TMEM232: variants seen among roughly 807,000 people sequenced by gnomAD.
TMEM232 encodes the protein transmembrane protein 232.
A neutral mutation model predicts 78.8 loss-of-function variants in TMEM232; 80 were observed. The observed-to-expected ratio is 1.01, with a 90% CI of 0.85 to 1.22. The LOEUF (loss-of-function observed/expected upper bound fraction) is 1.22. TMEM232 is among the 50% of genes most tolerant of loss of function. The pLI, the probability that TMEM232 is intolerant of heterozygous loss-of-function variation, is 0.00. For missense variants in TMEM232, 881 were observed against 742.2 expected (o/e 1.19, Z -2.17); for synonymous variants, 297 against 254.3 (o/e 1.17, Z -1.60).
rs140358808 is a variant in TMEM232, at chr5:110,732,320, T to A, written c.-13+2583A>T. Among the ~76,000 whole-genome samples, 443 of 152,330 alleles carry A rather than the reference T, an allele frequency of 2.9e-3. 3 individuals are homozygous for A. The highest frequency in any genetic ancestry group is 0.01 in the African/African-American group (428 of 41,582). ...TTCTGCCTATTACCCAGTTCCAAAG[T>A]CGCTTCCACATTTTTGGTTATCTTT... On this transcript the variant is annotated intron_variant, in intron 2 of 4. Coordinates refer to the TMEM232 transcript ENST00000512886.
chr5:110,513,059 T>C (rs1266066797), intron 12 of TMEM232, among the ~76,000 whole-genome samples: 1 of 152,160 alleles, frequency 6.6e-6, no homozygotes, highest in Non-Finnish European at 1.5e-5. Context: ...ATGACACCCA[T>C]AATTCCTGCT....
At chr5:110,645,222 T>A (rs555022792) in intron 2 of TMEM232, among the ~76,000 whole-genome samples, 1 of 151,824 alleles carries the variant, frequency 6.6e-6, no homozygotes, top group East Asian at 1.9e-4. Context: ...CAAACTCATT[T>A]TATGAGGCCA....
chr5:110,521,086 G>A (rs75830696), intron 12 of TMEM232, among the ~76,000 whole-genome samples: 39 of 152,190 alleles, frequency 2.6e-4, no homozygotes, highest in East Asian at 2.1e-3. Flanking sequence ...CCAAGATGGC[G>A]TCCTAGTATG....
At chr5:110,436,362 G>T (rs569949806) in intron 12 of TMEM232, among the ~76,000 whole-genome samples, 2 of 151,736 alleles carry the variant, frequency 1.3e-5, no homozygotes, top group East Asian at 3.9e-4. Flanking sequence ...TATTAATGCC[G>T]TGCCACATGG....
rs184123515 is a variant in TMEM232, at chr5:110,710,985, G to A, written c.-13+15642C>T. ...GAAAGAAATCAAATTATCCTTGTTT[G>A]CAAATGATATGACCTTGTATTTGGA... is the stretch of plus-strand genomic sequence containing the variant. On this transcript the variant is annotated intron_variant, in intron 1 of 13. Coordinates refer to ENST00000455884, the MANE Select transcript of TMEM232 (RefSeq NM_001039763.4). Among the ~76,000 whole-genome samples the A allele has an allele frequency of 3.4e-3, 519 of 152,260 alleles. 3 individuals carry two copies. The highest frequency in any genetic ancestry group is 0.012 in the African/African-American group (495 of 41,568).
intron 2 of TMEM232, among the ~76,000 whole-genome samples, chr5:110,654,268 A>G (rs1446101512): frequency 6.6e-6 from 1 of 152,214 alleles, no homozygotes; most frequent in East Asian, 1.9e-4. Context: ...GATTTTAAAT[A>G]AAATGATACT....
chr5:110,552,466 G>A (rs1404217396), intron 11 of TMEM232, among the ~76,000 whole-genome samples: 1 of 151,994 alleles, frequency 6.6e-6, no homozygotes, highest in Non-Finnish European at 1.5e-5. Context: ...AACTATTGTG[G>A]TTAAAAATAT....
chr5:110,554,021 T>C (rs752733275), intron 11 of TMEM232, among the ~76,000 whole-genome samples: 2 of 152,166 alleles, frequency 1.3e-5, no homozygotes, highest in Non-Finnish European at 2.9e-5. Flanking sequence ...CATTTATTGT[T>C]TTGCGTATGT....
chr5:110,414,368 A>C (rs571387742), intron 2 of TMEM232, among the ~76,000 whole-genome samples: 2 of 152,346 alleles, frequency 1.3e-5, no homozygotes, highest in African/African-American at 4.8e-5. Flanking sequence ...GACAATGAAC[A>C]AATATTTTCT....
rs1417792173 is a variant in TMEM232 at position 110,650,228 on chromosome 5, T to C, written c.126-7857A>G. ...TTATTTTCCTTTATAATGTCTGGGA[T>C]TTCTCACTTAGATGATTTCCCTCTC... On this transcript the variant is annotated intron_variant, in intron 2 of 13. Coordinates refer to ENST00000455884, the MANE Select transcript of TMEM232 (RefSeq NM_001039763.4). Among the ~76,000 whole-genome samples, 4 of 152,068 alleles carry C rather than the reference T, an allele frequency of 2.6e-5. No individual in the cohort carries two copies. In the East Asian group the frequency reaches 7.7e-4, roughly 29 times the overall value.
intron 10 of TMEM232, among the ~76,000 whole-genome samples, chr5:110,593,813 A>C (rs1455334249): frequency 3.9e-5 from 6 of 152,104 alleles, no homozygotes; most frequent in Non-Finnish European, 1.5e-5. Flanking sequence ...AAATAACTAA[A>C]GGGTATAATT....
intron 11 of TMEM232, among the ~76,000 whole-genome samples, chr5:110,529,571 A>G (rs1771125245): frequency 6.6e-6 from 1 of 152,124 alleles, no homozygotes; most frequent in Non-Finnish European, 1.5e-5. Flanking sequence ...TATAGAGCAA[A>G]AATTTTAAGT....
At chr5:110,707,351 G>C (rs1796028878) in intron 1 of TMEM232, among the ~76,000 whole-genome samples, 1 of 152,216 alleles carries the variant, frequency 6.6e-6, no homozygotes, top group Non-Finnish European at 1.5e-5. Flanking sequence ...TTGGAGGAGG[G>C]AGAGTGCAGT....
chr5:110,687,376 C>A (rs1041090364), intron 1 of TMEM232, among the ~76,000 whole-genome samples: 1 of 151,962 alleles, frequency 6.6e-6, no homozygotes, highest in Non-Finnish European at 1.5e-5. Flanking sequence ...CAAATCTGAC[C>A]CAAATAAACT....
At chr5:110,688,558 G>A (rs1793712285) in intron 1 of TMEM232, among the ~76,000 whole-genome samples, 1 of 152,126 alleles carries the variant, frequency 6.6e-6, no homozygotes, top group African/African-American at 2.4e-5. Context: ...CAGCTTAGTA[G>A]AGGCATAAAA....
intron 12 of TMEM232, among the ~76,000 whole-genome samples, chr5:110,469,410 C>A (rs1265804099): frequency 6.6e-6 from 1 of 152,206 alleles, no homozygotes; most frequent in Non-Finnish European, 1.5e-5. Flanking sequence ...GCCATGCCAC[C>A]TACTCATGCC....
chr5:110,572,347 A>C (rs1777050926), intron 10 of TMEM232, among the ~76,000 whole-genome samples: 1 of 152,032 alleles, frequency 6.6e-6, no homozygotes, highest in Non-Finnish European at 1.5e-5. Flanking sequence ...AATATAAGTA[A>C]GGAAACACAT....
chr5:110,426,555 A>G (rs1430524472), intron 12 of TMEM232, among the ~76,000 whole-genome samples: 1 of 152,052 alleles, frequency 6.6e-6, no homozygotes, highest in Non-Finnish European at 1.5e-5. Flanking sequence ...CTCAGGAGAC[A>G]TGTTGAGAGT....
chr5:110,633,532 G>C (rs972759910), intron 5 of TMEM232, among the ~76,000 whole-genome samples: 4 of 151,928 alleles, frequency 2.6e-5, no homozygotes, highest in African/African-American at 9.7e-5. Context: ...CTGAATCATG[G>C]GGGTGGTTTC....
Sources: gnomAD v4.1 joint callset for allele counts (sites outside exome capture counted in the v4.1 genomes callset) on GRCh38, gnomAD v4.1.1 for gene constraint, MANE v1.5 for transcripts, NCBI Gene and HGNC (gene_info 2026-07-23, HGNC 2026-07-21) for gene names.